NCK1: variants seen among roughly 807,000 people sequenced by gnomAD.
The protein encoded by NCK1 is SH2/SH3 adapter protein NCK1.
NCK1 carries 19 observed loss-of-function variants against 36.6 expected under a neutral mutation model. That is an observed-to-expected ratio of 0.52 (90% CI 0.36 to 0.76). NCK1 has a LOEUF of 0.76. Ranked by LOEUF, NCK1 falls within the 30% of genes least tolerant of loss-of-function variation. NCK1 has a pLI of 0.00. For missense variants in NCK1, 358 were observed against 445.6 expected (o/e 0.80, Z 1.77); for synonymous variants, 165 against 156.0 (o/e 1.06, Z -0.43).
intron 2 of NCK1, among the ~76,000 whole-genome samples, chr3:136,935,534 A>T (rs563748749): frequency 6.6e-6 from 1 of 152,152 alleles, no homozygotes; most frequent in Non-Finnish European, 1.5e-5. Context: ...GTTGATATGG[A>T]TGATGGGTCG....
chr3:136,930,430 G>A (rs1940361384), intron 2 of NCK1: 1 of 1,231,036 alleles, frequency 8.1e-7, no homozygotes, highest in African/African-American at 1.6e-5. Context: ...ATTTTCTATT[G>A]CCTGGGTGTG....
intron 1 of NCK1, among the ~76,000 whole-genome samples, chr3:136,878,422 C>T (rs1388766378): frequency 6.6e-6 from 1 of 151,882 alleles, no homozygotes; most frequent in Non-Finnish European, 1.5e-5. Flanking sequence ...AACAAACAAA[C>T]AAATGTGCTA....
intron 1 of NCK1, among the ~76,000 whole-genome samples, chr3:136,922,167 A>C (rs1024587077): frequency 6.6e-6 from 1 of 152,192 alleles, no homozygotes; most frequent in African/African-American, 2.4e-5. Flanking sequence ...AAGAGAAACA[A>C]ACTTATTATT....
chr3:136,871,920 G>A (rs960466210), intron 1 of NCK1, among the ~76,000 whole-genome samples: 5 of 152,180 alleles, frequency 3.3e-5, no homozygotes, highest in African/African-American at 1.2e-4. Context: ...CCATGATTGT[G>A]AGGCCTCTCC....
chr3:136,894,457 A>G (rs1373450313), intron 1 of NCK1, among the ~76,000 whole-genome samples: 1 of 152,212 alleles, frequency 6.6e-6, no homozygotes, highest in Non-Finnish European at 1.5e-5. Context: ...TTAATGCACC[A>G]CTTTATGATT....
chr3:136,912,286 C>T (rs1313059209), intron 1 of NCK1, among the ~76,000 whole-genome samples: 2 of 151,716 alleles, frequency 1.3e-5, no homozygotes, highest in African/African-American at 2.4e-5. Context: ...CCTCAGCCTC[C>T]CACGTAGCTG....
chr3:136,933,034 A>G (rs1023793684), intron 2 of NCK1, among the ~76,000 whole-genome samples: 2 of 152,248 alleles, frequency 1.3e-5, no homozygotes, highest in African/African-American at 4.8e-5. Flanking sequence ...AGGAACAGAC[A>G]GTATTGTAAA....
At chr3:136,903,257 A>G (rs182765342) in intron 1 of NCK1, among the ~76,000 whole-genome samples, 1 of 152,274 alleles carries the variant, frequency 6.6e-6, no homozygotes. Context: ...TGTTTGATAC[A>G]AGTATAGCTA....
At chr3:136,946,336 G>A (rs1313648253) in intron 3 of NCK1, 41 bp downstream of exon 3, 3 of 1,494,832 alleles carry the variant, frequency 2.0e-6, no homozygotes, top group African/African-American at 1.4e-5. Flanking sequence ...AGAGCTCTGG[G>A]TATTTTAAAA....
At position 136,862,224 on chromosome 3, in the gene NCK1, C is replaced by T. The variant is rs1938236517; in HGVS notation, c.-148C>T. ...CGCCTGCCCACCGCGCGTGCCCCGC[C>T]TCTCTCCCAAGAGCTACGCGGCGGC... On this transcript the variant is annotated 5_prime_UTR_variant, in exon 1 of 4. Transcript: ENST00000481752. 1 of 152,664 alleles carries T rather than the reference C, an allele frequency of 6.6e-6. No individual in the cohort carries two copies. Among genetic ancestry groups the T allele is most frequent in the South Asian group, 2.1e-4 (1 of 4,834 alleles). 9.5% of individuals were successfully genotyped at this position (152,664 alleles called of 1,614,324 possible). A position where few individuals can be genotyped will look rare whatever the true frequency, so the allele number is the denominator to read the frequency against.
intron 1 of NCK1, among the ~76,000 whole-genome samples, chr3:136,881,758 T>C (rs928922961): frequency 2.6e-5 from 4 of 152,236 alleles, no homozygotes; most frequent in Non-Finnish European, 5.9e-5. Context: ...GTTTGCTCTA[T>C]GTACCTCATA....
intron 1 of NCK1, among the ~76,000 whole-genome samples, chr3:136,891,177 A>T (rs1015680712): frequency 1.3e-5 from 2 of 152,240 alleles, no homozygotes; most frequent in Admixed American, 1.3e-4. Context: ...CTTGTTGCCC[A>T]GGCTGGAGTG....
chr3:136,924,272 G>GA (rs1940184831), intron 1 of NCK1, among the ~76,000 whole-genome samples: 1 of 152,118 alleles, frequency 6.6e-6, no homozygotes, highest in African/African-American at 2.4e-5. Context: ...AAACAACCTA[G>GA]AAAAAGTAAA....
intron 1 of NCK1, among the ~76,000 whole-genome samples, chr3:136,868,559 T>G (rs921735939): frequency 3.9e-5 from 6 of 152,088 alleles, no homozygotes; most frequent in Non-Finnish European, 8.8e-5. Context: ...AACTCCTAAC[T>G]TCAGTTAATC....
intron 1 of NCK1, among the ~76,000 whole-genome samples, chr3:136,914,275 G>T (rs1336145269): frequency 2.6e-5 from 4 of 152,224 alleles, no homozygotes; most frequent in Non-Finnish European, 5.9e-5. Context: ...ATGCGTGTCT[G>T]CCTGGAGATT....
In NCK1 at chr3:136,948,270, C is replaced by T. The variant is rs781565072; in HGVS notation, c.951C>T (p.Phe317=). Residue 317 remains phenylalanine, a synonymous_variant, in exon 4 of 4, where the codon TTC becomes TTT. Coordinates refer to ENST00000481752, the MANE Select transcript of NCK1 (RefSeq NM_001291999.2). The part of the protein sequence containing the change: ...IRDSESSPND[F]SVSLKAQGKN... ...TTTTTCTCTTTTAGCCAAATGATTTCTCAGTATCACTAAAAGCACAAGGGA... is the reference window on the plus strand; with the variant it reads ...TTTTTCTCTTTTAGCCAAATGATTTTTCAGTATCACTAAAAGCACAAGGGA... 8.8e-6 allele frequency: 14 copies of T among 1,587,288 alleles called. No homozygotes were observed. The highest frequency in any genetic ancestry group is 1.4e-5 in the African/African-American group (1 of 73,224).
At chr3:136,905,182 G>A (rs537488241) in intron 1 of NCK1, among the ~76,000 whole-genome samples, 166 of 151,006 alleles carry the variant, frequency 1.1e-3, no homozygotes, top group Admixed American at 5.8e-3. Flanking sequence ...CTGGTGTGGC[G>A]GCAATTTTTT....
At chr3:136,866,849 G>A (rs900100220) in intron 1 of NCK1, among the ~76,000 whole-genome samples, 6 of 152,168 alleles carry the variant, frequency 3.9e-5, no homozygotes, top group African/African-American at 1.2e-4. Flanking sequence ...CCGACCTCAG[G>A]TGATCCACAT....
intron 1 of NCK1, among the ~76,000 whole-genome samples, chr3:136,877,783 C>T (rs1938815245): frequency 6.6e-6 from 1 of 152,084 alleles, no homozygotes; most frequent in South Asian, 2.1e-4. Context: ...GAAAATACTT[C>T]TTAGGCTCAG....
Sources: gnomAD v4.1 joint callset for allele counts (sites outside exome capture counted in the v4.1 genomes callset) on GRCh38, gnomAD v4.1.1 for gene constraint, MANE v1.5 for transcripts, NCBI Gene and HGNC (gene_info 2026-07-23, HGNC 2026-07-21) for gene names.